The following RUNX1 variants were observed in gnomAD, a reference collection of about 807,000 sequenced individuals.
RUNX1 encodes the protein RUNX family transcription factor 1.
RUNX1 carries 19 observed loss-of-function variants against 42.8 expected under a neutral mutation model. The ratio of observed to expected loss-of-function variants is 0.44; its 90% CI spans 0.31 to 0.65. The LOEUF (loss-of-function observed/expected upper bound fraction) is 0.65. Ranked by LOEUF, RUNX1 falls within the 30% of genes least tolerant of loss-of-function variation. The probability of loss-of-function intolerance (pLI) is 0.07; values close to 1 mark genes in which losing one functional copy is unlikely to be tolerated. For missense variants in RUNX1, 528 were observed against 672.0 expected (o/e 0.79, Z 2.37); for synonymous variants, 271 against 289.4 (o/e 0.94, Z 0.64).
chr21:34,821,521 AG>A, intron 7 of RUNX1: 1 of 1,508,806 alleles, frequency 6.6e-7, no homozygotes, highest in South Asian at 1.2e-5. Context: ...AGGGACACGG[AG>A]GAATTACAGA....
intron 2 of RUNX1, among the ~76,000 whole-genome samples, chr21:34,980,090 T>C (rs1277153848): frequency 6.6e-6 from 1 of 152,286 alleles, no homozygotes; most frequent in Non-Finnish European, 1.5e-5. Context: ...TATAAGTACC[T>C]GGCTTGACAG....
chr21:34,803,089 T>C (rs1277882706), intron 7 of RUNX1, among the ~76,000 whole-genome samples: 1 of 152,168 alleles, frequency 6.6e-6, no homozygotes, highest in Non-Finnish European at 1.5e-5. Context: ...AATAGTGTTT[T>C]GTTCACAGCT....
intron 2 of RUNX1, among the ~76,000 whole-genome samples, chr21:34,988,547 C>T (rs2058909936): frequency 6.6e-6 from 1 of 150,570 alleles, no homozygotes; most frequent in South Asian, 2.1e-4. Flanking sequence ...TACAACTGTC[C>T]TTCCCATCTC....
At chr21:34,906,940 C>T (rs1007337695) in intron 2 of RUNX1, among the ~76,000 whole-genome samples, 1 of 152,220 alleles carries the variant, frequency 6.6e-6, no homozygotes, top group Admixed American at 6.5e-5. Context: ...ATATAAAATG[C>T]ATTAAAGCTC....
At chr21:34,836,673 T>C (rs1044640076) in intron 6 of RUNX1, among the ~76,000 whole-genome samples, 17 of 152,206 alleles carry the variant, frequency 1.1e-4, no homozygotes, top group African/African-American at 4.1e-4. Context: ...TCAGAAATAA[T>C]GCCAGTCGGC....
chr21:34,944,316 T>A (rs889265241), intron 2 of RUNX1, among the ~76,000 whole-genome samples: 1 of 152,164 alleles, frequency 6.6e-6, no homozygotes, highest in South Asian at 2.1e-4. Context: ...CCCCAACAAT[T>A]TTCTTATTCT....
intron 2 of RUNX1, among the ~76,000 whole-genome samples, chr21:34,954,752 C>T (rs955523668): frequency 2.0e-5 from 3 of 152,120 alleles, no homozygotes; most frequent in Non-Finnish European, 2.9e-5. Flanking sequence ...GTGGGAGCAG[C>T]CTGGGACCCT....
chr21:34,891,020 G>A (rs887805237), intron 3 of RUNX1, among the ~76,000 whole-genome samples: 1 of 152,100 alleles, frequency 6.6e-6, no homozygotes, highest in Non-Finnish European at 1.5e-5. Flanking sequence ...TGACTCCAGG[G>A]GAAATAGCAG....
intron 7 of RUNX1, among the ~76,000 whole-genome samples, chr21:34,820,416 G>A (rs2056891827): frequency 1.3e-5 from 2 of 152,096 alleles, no homozygotes; most frequent in Non-Finnish European, 2.9e-5. Context: ...TTGGGAGGCC[G>A]AGGCGGGCGG....
chr21:34,827,320 T>C (rs1260872849), intron 7 of RUNX1, among the ~76,000 whole-genome samples: 1 of 152,116 alleles, frequency 6.6e-6, no homozygotes, highest in African/African-American at 2.4e-5. Flanking sequence ...TATAGTGAGA[T>C]GTGATAGCAA....
At chr21:35,040,422 G>A (rs1428176861) in intron 2 of RUNX1, among the ~76,000 whole-genome samples, 1 of 152,102 alleles carries the variant, frequency 6.6e-6, no homozygotes, top group Non-Finnish European at 1.5e-5. Flanking sequence ...AAAAGGGGAA[G>A]TGCTTCTCTC....
chr21:34,830,021 C>T (rs2146046076), intron 7 of RUNX1: 1 of 152,288 alleles, frequency 6.6e-6, no homozygotes, highest in East Asian at 1.9e-4. Context: ...ACAGCAGCAC[C>T]AGAATATAGT....
At chr21:34,881,197 T>C (rs1193087535) in intron 4 of RUNX1, among the ~76,000 whole-genome samples, 3 of 152,232 alleles carry the variant, frequency 2.0e-5, no homozygotes, top group African/African-American at 4.8e-5. Context: ...TGTAAGTTTA[T>C]AATCCAACCC....
chr21:34,876,268 AAGG>A (rs2057812323), intron 5 of RUNX1, among the ~76,000 whole-genome samples: 1 of 152,222 alleles, frequency 6.6e-6, no homozygotes, highest in Admixed American at 6.5e-5. Flanking sequence ...CAGTGGTTTC[AAGG>A]AGATCTACTT....
intron 2 of RUNX1, among the ~76,000 whole-genome samples, chr21:34,939,948 T>C (rs2058514484): frequency 6.6e-6 from 1 of 152,182 alleles, no homozygotes; most frequent in Non-Finnish European, 1.5e-5. Flanking sequence ...CCTATTTTCT[T>C]TTGTTTTTAA....
At chr21:34,910,823 C>A (rs1374286239) in intron 2 of RUNX1, among the ~76,000 whole-genome samples, 1 of 151,888 alleles carries the variant, frequency 6.6e-6, no homozygotes, top group Non-Finnish European at 1.5e-5. Context: ...ACTCTGTTGC[C>A]CAGGCTGGAG....
At chr21:35,021,633 G>A (rs2059198999) in intron 2 of RUNX1, among the ~76,000 whole-genome samples, 1 of 152,220 alleles carries the variant, frequency 6.6e-6, no homozygotes, top group Admixed American at 6.5e-5. Flanking sequence ...GTAGAGTTGA[G>A]TTGGAGAAAG....
chr21:34,918,534 T>G (rs190443104), intron 2 of RUNX1, among the ~76,000 whole-genome samples: 1 of 152,146 alleles, frequency 6.6e-6, no homozygotes, highest in Non-Finnish European at 1.5e-5. Context: ...GATTTTATTC[T>G]TTGTTAGGAA....
intron 5 of RUNX1, among the ~76,000 whole-genome samples, chr21:34,877,775 T>G (rs375391668): frequency 6.6e-6 from 1 of 152,198 alleles, no homozygotes; most frequent in East Asian, 1.9e-4. Context: ...AACCCTTCCA[T>G]GTTCAACCTC....
Sources: gnomAD v4.1 joint callset for allele counts (sites outside exome capture counted in the v4.1 genomes callset) on GRCh38, gnomAD v4.1.1 for gene constraint, MANE v1.5 for transcripts, NCBI Gene and HGNC (gene_info 2026-07-23, HGNC 2026-07-21) for gene names.